RBFOX1: variants seen among roughly 807,000 people sequenced by gnomAD.
RBFOX1 encodes RNA binding protein fox-1 homolog 1.
In RBFOX1, 8 loss-of-function variants were observed where a neutral mutation model predicts 57.7. The ratio of observed to expected loss-of-function variants is 0.14; its 90% confidence interval spans 0.08 to 0.25. The LOEUF is 0.25. Among genes scored for constraint, RBFOX1 ranks in the 10% least tolerant of loss-of-function variants. The pLI, the probability that RBFOX1 is intolerant of heterozygous loss-of-function variation, is 1.00. For synonymous variants in RBFOX1, 326 were observed against 222.4 expected, an observed-to-expected ratio of 1.47 and a Z score of -4.15; for missense variants, 611 against 548.5, an observed-to-expected ratio of 1.11 and a Z score of -1.14.
chr16:6,201,946 G>C (rs1232107096), intron 1 of RBFOX1, among the ~76,000 whole-genome samples: 1 of 152,106 alleles, frequency 6.6e-6, no homozygotes, highest in African/African-American at 2.4e-5. Context: ...TAAATATTGA[G>C]GGTCCCCTAG....
intron 4 of RBFOX1, among the ~76,000 whole-genome samples, chr16:7,215,869 C>G (rs541078206): frequency 9.2e-5 from 14 of 151,892 alleles, no homozygotes; most frequent in African/African-American, 2.7e-4. Flanking sequence ...GGACTACAGG[C>G]GTCTGCCACG....
At chr16:7,135,495 G>A (rs1472445856) in intron 4 of RBFOX1, among the ~76,000 whole-genome samples, 2 of 152,224 alleles carry the variant, frequency 1.3e-5, no homozygotes, top group African/African-American at 4.8e-5. Context: ...ACTAAGGGGT[G>A]TGTTTTTGTA....
intron 1 of RBFOX1, among the ~76,000 whole-genome samples, chr16:5,451,839 G>A (rs2068433913): frequency 1.3e-5 from 2 of 152,010 alleles, no homozygotes; most frequent in South Asian, 4.2e-4. Flanking sequence ...CATACTCTCT[G>A]GGTGGGCTTA....
intron 4 of RBFOX1, among the ~76,000 whole-genome samples, chr16:7,138,853 G>T (rs1395666006): frequency 1.3e-5 from 2 of 152,278 alleles, no homozygotes; most frequent in Admixed American, 1.3e-4. Flanking sequence ...CTGCTGCCTA[G>T]CCTGGAGTGC....
intron 3 of RBFOX1, among the ~76,000 whole-genome samples, chr16:7,022,644 G>C (rs2039649519): frequency 6.6e-6 from 1 of 152,018 alleles, no homozygotes; most frequent in African/African-American, 2.4e-5. Flanking sequence ...GGATATATTA[G>C]GCCCATCCCC....
At chr16:7,327,201 A>G (rs1454255863) in intron 4 of RBFOX1, among the ~76,000 whole-genome samples, 1 of 152,230 alleles carries the variant, frequency 6.6e-6, no homozygotes, top group Non-Finnish European at 1.5e-5. Context: ...TCTAAAAGGA[A>G]GAAAGGAAGA....
intron 3 of RBFOX1, among the ~76,000 whole-genome samples, chr16:6,802,708 G>C (rs753031684): frequency 6.6e-6 from 1 of 152,072 alleles, no homozygotes; most frequent in Non-Finnish European, 1.5e-5. Flanking sequence ...GTTATTTGAT[G>C]GTTTTTATAT....
intron 2 of RBFOX1, among the ~76,000 whole-genome samples, chr16:6,547,624 C>A (rs112744621): frequency 8.5e-5 from 13 of 152,244 alleles, no homozygotes; most frequent in African/African-American, 2.9e-4. Context: ...AAGAAACAGT[C>A]ATGACTTACA....
intron 1 of RBFOX1, among the ~76,000 whole-genome samples, chr16:5,279,318 C>T (rs2063215015): frequency 6.6e-6 from 1 of 151,162 alleles, no homozygotes; most frequent in Non-Finnish European, 1.5e-5. Flanking sequence ...TTTTTGTTTT[C>T]CCATCCTTGG....
intron 14 of RBFOX1, among the ~76,000 whole-genome samples, chr16:7,707,526 A>G (rs770926553): frequency 6.6e-6 from 1 of 152,158 alleles, no homozygotes; most frequent in African/African-American, 2.4e-5. Flanking sequence ...GGAAATGGTC[A>G]AAGAATCAAA....
At chr16:6,795,620 G>T (rs2083827163) in intron 3 of RBFOX1, among the ~76,000 whole-genome samples, 1 of 151,946 alleles carries the variant, frequency 6.6e-6, no homozygotes, top group Non-Finnish European at 1.5e-5. Context: ...ACAAAAATTA[G>T]CCTGGCATGG....
intron 2 of RBFOX1, among the ~76,000 whole-genome samples, chr16:6,318,595 C>T (rs1189743370): frequency 6.6e-6 from 1 of 152,080 alleles, no homozygotes; most frequent in Non-Finnish European, 1.5e-5. Flanking sequence ...ATTGCTGCTT[C>T]TCTGAAAGAA....
chr16:5,432,616 A>T (rs1401212091), intron 1 of RBFOX1, among the ~76,000 whole-genome samples: 6 of 113,314 alleles, frequency 5.3e-5, no homozygotes, highest in Admixed American at 2.7e-4. Flanking sequence ...ATAAATGGGT[A>T]AAAAAAAAAA....
At chr16:7,445,709 G>A (rs190337765) in intron 4 of RBFOX1, among the ~76,000 whole-genome samples, 20 of 152,196 alleles carry the variant, frequency 1.3e-4, no homozygotes, top group African/African-American at 1.9e-4. Flanking sequence ...TGTTGTTGTT[G>A]TGTGGTTTTT....
At position 7,104,382 on chromosome 16, in the gene RBFOX1, T is replaced by C. The variant is rs563517973; in HGVS notation, c.27+52284T>C. On this transcript the variant is annotated intron_variant, in intron 4 of 15. Transcript: ENST00000550418. ...TCTACTTAATCAGTCTGGTACCTCA[T>C]CCCCATCAGGACAGTATGCCCCTCT... is the stretch of plus-strand genomic sequence containing the variant. Among the ~76,000 whole-genome samples the C allele has an allele frequency of 7.2e-5, 11 of 152,242 alleles. 1 individual carries two copies. The South Asian group carries it at 2.3e-3, about 32-fold the overall frequency.
intron 3 of RBFOX1, among the ~76,000 whole-genome samples, chr16:7,036,971 T>A (rs566172165): frequency 6.6e-6 from 1 of 152,282 alleles, no homozygotes; most frequent in South Asian, 2.1e-4. Context: ...TTTTAGATCA[T>A]ACAGGGTAAC....
intron 3 of RBFOX1, among the ~76,000 whole-genome samples, chr16:7,033,833 G>A (rs1013234796): frequency 1.3e-5 from 2 of 152,038 alleles, no homozygotes; most frequent in Non-Finnish European, 2.9e-5. Context: ...GCCCACTAGA[G>A]TGGCATCTGC....
chr16:6,593,933 C>G, intron 2 of RBFOX1, among the ~76,000 whole-genome samples: 1 of 152,152 alleles, frequency 6.6e-6, no homozygotes, highest in Non-Finnish European at 1.5e-5. Flanking sequence ...AGACTCCACC[C>G]CAATGCTTTT....
intron 3 of RBFOX1, among the ~76,000 whole-genome samples, chr16:6,678,306 G>A (rs2058080414): frequency 6.6e-6 from 1 of 152,068 alleles, no homozygotes; most frequent in South Asian, 2.1e-4. Context: ...TGTGTTTTTA[G>A]TAGAGATGGG....
Sources: gnomAD v4.1 joint callset for allele counts (sites outside exome capture counted in the v4.1 genomes callset) on GRCh38, gnomAD v4.1.1 for gene constraint, MANE v1.5 for transcripts, NCBI Gene and HGNC (gene_info 2026-07-23, HGNC 2026-07-21) for gene names.